CNTN6: variants seen among roughly 807,000 people sequenced by gnomAD.
CNTN6 encodes contactin-6.
A neutral mutation model predicts 122.8 loss-of-function variants in CNTN6; 137 were observed. The ratio of observed to expected loss-of-function variants is 1.12; its 90% CI spans 0.97 to 1.29. CNTN6 has a LOEUF of 1.29. CNTN6 is among the 50% of genes most tolerant of loss of function. CNTN6 has a pLI of 0.00. For missense variants in CNTN6, 1,634 were observed against 1,223.4 expected (o/e 1.34, Z -5.01); for synonymous variants, 570 against 426.0 (o/e 1.34, Z -4.16).
chr3:1,352,765 G>A (rs1281959476), intron 12 of CNTN6, among the ~76,000 whole-genome samples: 1 of 151,646 alleles, frequency 6.6e-6, no homozygotes, highest in Non-Finnish European at 1.5e-5. Flanking sequence ...TAAAGTCACT[G>A]GATAACATTT....
chr3:1,293,372 C>T (rs1695659602), intron 5 of CNTN6, among the ~76,000 whole-genome samples: 1 of 151,612 alleles, frequency 6.6e-6, no homozygotes, highest in Non-Finnish European at 1.5e-5. Context: ...TTCCCTCATT[C>T]CCATTTTCAA....
intron 2 of CNTN6, among the ~76,000 whole-genome samples, chr3:1,207,109 G>C (rs571847396): frequency 6.6e-6 from 1 of 152,156 alleles, no homozygotes; most frequent in Admixed American, 6.5e-5. Flanking sequence ...AGATATTTCA[G>C]TAGAAAGTCT....
intron 6 of CNTN6, among the ~76,000 whole-genome samples, chr3:1,296,102 G>A (rs1280381829): frequency 6.6e-6 from 1 of 152,120 alleles, no homozygotes; most frequent in African/African-American, 2.4e-5. Flanking sequence ...GAGTTGGCGT[G>A]TGTGTATGTG....
chr3:1,380,727 T>C (rs1351257176), intron 17 of CNTN6, among the ~76,000 whole-genome samples: 1 of 152,198 alleles, frequency 6.6e-6, no homozygotes, highest in Admixed American at 6.5e-5. Flanking sequence ...TAGGTGTGGG[T>C]GTGTCTCAAA....
At chr3:1,290,324 G>C (rs528646998) in intron 5 of CNTN6, among the ~76,000 whole-genome samples, 1 of 152,336 alleles carries the variant, frequency 6.6e-6, no homozygotes, top group Admixed American at 6.5e-5. Flanking sequence ...ATTGGACGCA[G>C]GACAGGAAAT....
Position 1,385,628 on chromosome 3 carries a change from T to A in CNTN6, c.2535T>A (p.Asp845Glu). The change falls in exon 20 of 23, where the codon GAT becomes GAA. Residue 845 changes from aspartate (D) to glutamate (E), a missense_variant. Transcript: ENST00000446702. ...ATTATCAGGTCTTATACTGGACAGA[T>A]GACTCCAAAGAATCCATGATAGGTA... is the stretch of plus-strand genomic sequence containing the variant. ...VLGYEVLYWT[D>E]DSKESMIGKI... is the part of the protein sequence containing the mutation. 6.2e-7 allele frequency: 1 copy of A among 1,613,792 alleles called. No homozygotes were observed. The highest frequency in any genetic ancestry group is 8.5e-7 in the Non-Finnish European group (1 of 1,179,792).
intron 17 of CNTN6, among the ~76,000 whole-genome samples, chr3:1,380,229 A>G (rs924514773): frequency 6.6e-6 from 1 of 152,220 alleles, no homozygotes; most frequent in African/African-American, 2.4e-5. Context: ...ATTACGTTTC[A>G]TAAGTGACAA....
intron 5 of CNTN6, among the ~76,000 whole-genome samples, chr3:1,281,922 C>T (rs1693515698): frequency 6.6e-6 from 1 of 151,554 alleles, no homozygotes. Context: ...ATAAATTATA[C>T]AAAACTTTTT....
At chr3:1,346,199 G>A (rs1027321643) in intron 11 of CNTN6, among the ~76,000 whole-genome samples, 1 of 152,106 alleles carries the variant, frequency 6.6e-6, no homozygotes, top group African/African-American at 2.4e-5. Context: ...AAAAGGATGT[G>A]AATGTTAATC....
At chr3:1,168,325 G>T (rs764525090) in intron 2 of CNTN6, among the ~76,000 whole-genome samples, 23 of 145,150 alleles carry the variant, frequency 1.6e-4, no homozygotes, top group Middle Eastern at 6.9e-3. Context: ...CCAGTAAATG[G>T]TAAGTGAGAC....
intron 12 of CNTN6, among the ~76,000 whole-genome samples, chr3:1,368,446 A>G (rs1708535856): frequency 6.6e-6 from 1 of 152,242 alleles, no homozygotes; most frequent in Non-Finnish European, 1.5e-5. Context: ...AATTCATCAG[A>G]AACTTCTGAA....
intron 1 of CNTN6, among the ~76,000 whole-genome samples, chr3:1,096,199 C>A (rs2090515254): frequency 6.6e-6 from 1 of 151,948 alleles, no homozygotes; most frequent in South Asian, 2.1e-4. Flanking sequence ...CTGCAATTTC[C>A]GTCATTGAAT....
intron 2 of CNTN6, among the ~76,000 whole-genome samples, chr3:1,211,697 C>G (rs17035604): frequency 0.018 from 2,758 of 151,884 alleles, 75 homozygotes; most frequent in African/African-American, 0.063. Context: ...TTTGTGTAGA[C>G]TGGTGTTCTC....
chr3:1,321,785 A>T lies in CNTN6; in HGVS notation c.897A>T (p.Ala299=). 7 of 1,611,058 alleles carry T rather than the reference A, an allele frequency of 4.3e-6. No homozygotes were observed. The highest frequency in any genetic ancestry group is 5.9e-6 in the Non-Finnish European group (7 of 1,178,272). The change falls in exon 8 of 23, where the codon GCA becomes GCT. Residue 299 remains alanine, a synonymous_variant. Coordinates refer to ENST00000446702, the MANE Select transcript of CNTN6 (RefSeq NM_001289080.2). ...QEDEGFYECI[A]SNLRGRNLAK... The stretch of plus-strand genomic sequence containing the variant: ...ATGAAGGCTTTTATGAGTGCATTGC[A>T]AGCAACCTTCGAGGAAGAAACCTTG...
intron 2 of CNTN6, among the ~76,000 whole-genome samples, chr3:1,149,526 G>A (rs142259997): frequency 0.014 from 2,142 of 152,212 alleles, 34 homozygotes; most frequent in Non-Finnish European, 0.024. Context: ...AAATCAAACA[G>A]GAGAATCAGA....
At chr3:1,388,157 T>A (rs1339312182) in intron 20 of CNTN6, among the ~76,000 whole-genome samples, 1 of 151,650 alleles carries the variant, frequency 6.6e-6, no homozygotes, top group African/African-American at 2.4e-5. Flanking sequence ...GAGTTAAATG[T>A]CCCTGTCTGA....
chr3:1,172,896 T>G (rs1167880418), intron 2 of CNTN6, among the ~76,000 whole-genome samples: 1 of 152,168 alleles, frequency 6.6e-6, no homozygotes, highest in Admixed American at 6.5e-5. Context: ...GGTGTCTCAC[T>G]TGGCTATTCA....
chr3:1,218,149 G>A (rs2094153672), intron 2 of CNTN6, among the ~76,000 whole-genome samples: 2 of 152,210 alleles, frequency 1.3e-5, no homozygotes, highest in South Asian at 4.1e-4. Context: ...TGGTGTGAGT[G>A]GCAGAGCCCA....
At chr3:1,203,796 C>T (rs1014192875) in intron 2 of CNTN6, among the ~76,000 whole-genome samples, 12 of 152,116 alleles carry the variant, frequency 7.9e-5, no homozygotes. Flanking sequence ...TCATGCACTG[C>T]ATAATAACAT....
Sources: gnomAD v4.1 joint callset for allele counts (sites outside exome capture counted in the v4.1 genomes callset) on GRCh38, gnomAD v4.1.1 for gene constraint, MANE v1.5 for transcripts, NCBI Gene and HGNC (gene_info 2026-07-23, HGNC 2026-07-21) for gene names.